The following CNTNAP2 variants were observed in gnomAD, a reference collection of about 807,000 sequenced individuals.
The protein encoded by CNTNAP2 is contactin-associated protein-like 2.
In CNTNAP2, 98 loss-of-function variants were observed where a neutral mutation model predicts 155.2. That is an observed-to-expected ratio of 0.63 (90% CI 0.54 to 0.75). The LOEUF (loss-of-function observed/expected upper bound fraction) is 0.75, where lower values mean the gene tolerates loss of function less well. Ranked by LOEUF, CNTNAP2 falls within the 30% of genes least tolerant of loss-of-function variation. The pLI is 0.00. For synonymous variants in CNTNAP2, 651 were observed against 631.2 expected (o/e 1.03, Z -0.47); for missense variants, 1,727 against 1,688.1 (o/e 1.02, Z -0.40).
chr7:146,365,364 T>G (rs1350709126), intron 1 of CNTNAP2, among the ~76,000 whole-genome samples: 1 of 152,208 alleles, frequency 6.6e-6, no homozygotes, highest in Non-Finnish European at 1.5e-5. Flanking sequence ...AAAACTTGTT[T>G]TGGTTTCCCT....
At chr7:148,340,865 C>T (rs1002652653) in intron 21 of CNTNAP2, among the ~76,000 whole-genome samples, 6 of 152,160 alleles carry the variant, frequency 3.9e-5, no homozygotes, top group Non-Finnish European at 8.8e-5. Flanking sequence ...CCTCTCCAGG[C>T]CCGTCTTTAC....
chr7:148,294,826 A>G (rs1338094979), intron 21 of CNTNAP2, among the ~76,000 whole-genome samples: 2 of 152,146 alleles, frequency 1.3e-5, no homozygotes, highest in Non-Finnish European at 2.9e-5. Context: ...ATAAACATAT[A>G]TATATTATAT....
intron 1 of CNTNAP2, among the ~76,000 whole-genome samples, chr7:146,482,091 T>G (rs1048614760): frequency 4.0e-5 from 6 of 150,604 alleles, no homozygotes; most frequent in African/African-American, 1.5e-4. Flanking sequence ...AGCAAAAAAT[T>G]GAGTTAGTCA....
At chr7:146,389,923 A>T (rs1584902260) in intron 1 of CNTNAP2, among the ~76,000 whole-genome samples, 1 of 151,368 alleles carries the variant, frequency 6.6e-6, no homozygotes, top group Non-Finnish European at 1.5e-5. Flanking sequence ...CTGATCTCAA[A>T]CTCCTGACCT....
chr7:146,331,260 C>T (rs1038480170), intron 1 of CNTNAP2, among the ~76,000 whole-genome samples: 2 of 148,684 alleles, frequency 1.3e-5, no homozygotes, highest in South Asian at 4.2e-4. Context: ...GCCGAGATCG[C>T]GCCACTGCAC....
chr7:146,888,106 T>C (rs10252666), intron 3 of CNTNAP2, among the ~76,000 whole-genome samples: 10,067 of 152,190 alleles, frequency 0.066, 465 homozygotes, highest in African/African-American at 0.13. Context: ...CAGGTTTTTG[T>C]GTTTTTTTCC....
At chr7:148,410,415 A>C (rs945722805) in intron 23 of CNTNAP2, among the ~76,000 whole-genome samples, 2 of 151,924 alleles carry the variant, frequency 1.3e-5, no homozygotes, top group African/African-American at 4.8e-5. Flanking sequence ...AAAAATACAA[A>C]AGTTAGCCAG....
At chr7:146,781,348 TAAAAA>T (rs71165039) in intron 2 of CNTNAP2, among the ~76,000 whole-genome samples, 4 of 147,680 alleles carry the variant, frequency 2.7e-5, no homozygotes, top group Admixed American at 6.8e-5. Flanking sequence ...TTCCAGAACT[TAAAAA>T]AAAAAAATCA....
intron 1 of CNTNAP2, among the ~76,000 whole-genome samples, chr7:146,677,097 A>G (rs60099370): frequency 0.014 from 2,128 of 152,318 alleles, 56 homozygotes; most frequent in African/African-American, 0.049. Flanking sequence ...TTAGGGAGAC[A>G]TGAGACATCA....
intron 3 of CNTNAP2, among the ~76,000 whole-genome samples, chr7:146,972,016 G>C (rs184284769): frequency 6.6e-5 from 10 of 152,192 alleles, no homozygotes; most frequent in Admixed American, 5.9e-4. Flanking sequence ...ATCTGTACTT[G>C]AATTTTCTTA....
chr7:147,945,269 T>C (rs1800798744), intron 14 of CNTNAP2, among the ~76,000 whole-genome samples: 1 of 152,158 alleles, frequency 6.6e-6, no homozygotes, highest in African/African-American at 2.4e-5. Context: ...TTGATATAAT[T>C]TTAACATAAA....
intron 15 of CNTNAP2, among the ~76,000 whole-genome samples, chr7:148,046,687 A>G (rs1381185132): frequency 6.6e-6 from 1 of 152,218 alleles, no homozygotes; most frequent in African/African-American, 2.4e-5. Context: ...GAAATTACAT[A>G]TTTCATAACA....
intron 8 of CNTNAP2, among the ~76,000 whole-genome samples, chr7:147,291,076 C>T (rs112201880): frequency 2.8e-4 from 42 of 152,286 alleles, no homozygotes; most frequent in African/African-American, 8.9e-4. Context: ...TGCCACCCTA[C>T]AGTCCATTCC....
intron 22 of CNTNAP2, among the ~76,000 whole-genome samples, chr7:148,395,855 G>A (rs1279251379): frequency 6.6e-6 from 1 of 152,092 alleles, no homozygotes; most frequent in African/African-American, 2.4e-5. Context: ...ATACAGCTTT[G>A]GAACTATCTC....
At chr7:146,453,376 A>G (rs1796510079) in intron 1 of CNTNAP2, among the ~76,000 whole-genome samples, 2 of 152,216 alleles carry the variant, frequency 1.3e-5, no homozygotes, top group Admixed American at 6.5e-5. Context: ...TTAACCCTAC[A>G]CTAAATGCTG....
At chr7:146,538,479 T>C (rs1797903199) in intron 1 of CNTNAP2, among the ~76,000 whole-genome samples, 1 of 152,012 alleles carries the variant, frequency 6.6e-6, no homozygotes. Flanking sequence ...AGGGGTGCCA[T>C]AGCCACAGTG....
At chr7:146,804,201 A>G (rs1177904450) in intron 2 of CNTNAP2, among the ~76,000 whole-genome samples, 1 of 152,184 alleles carries the variant, frequency 6.6e-6, no homozygotes, top group Non-Finnish European at 1.5e-5. Context: ...TAAAAGAGAT[A>G]CTGTAATCAT....
chr7:147,286,633 A>G (rs1805185808), intron 8 of CNTNAP2, among the ~76,000 whole-genome samples: 1 of 152,122 alleles, frequency 6.6e-6, no homozygotes, highest in Admixed American at 6.6e-5. Flanking sequence ...GACCTAAACC[A>G]CTGAAAGTGC....
intron 1 of CNTNAP2, among the ~76,000 whole-genome samples, chr7:146,444,428 G>A (rs1189295894): frequency 2.0e-5 from 3 of 152,118 alleles, no homozygotes; most frequent in Non-Finnish European, 4.4e-5. Context: ...GTAATACATA[G>A]ATACAGGTGG....
Sources: allele counts gnomAD v4.1 joint callset (sites outside exome capture counted in the v4.1 genomes callset), GRCh38; gene constraint gnomAD v4.1.1; transcripts MANE v1.5; gene names NCBI Gene and HGNC (gene_info 2026-07-23, HGNC 2026-07-21).